KANK1: variants seen among roughly 807,000 people sequenced by gnomAD.
KANK1 encodes the protein KN motif and ankyrin repeat domains 1.
A neutral mutation model predicts 106.2 loss-of-function variants in KANK1; 109 were observed. The observed-to-expected ratio is 1.03, with a 90% CI of 0.88 to 1.20. The LOEUF is 1.20. Ranked by LOEUF, KANK1 falls within the 50% of genes most tolerant of loss-of-function variation. The pLI is 0.00. For synonymous variants in KANK1, 873 were observed against 652.2 expected (o/e 1.34, Z -5.16); for missense variants, 2,399 against 1,710.7 (o/e 1.40, Z -7.10).
intron 1 of KANK1, among the ~76,000 whole-genome samples, chr9:525,676 T>C (rs942257352): frequency 1.3e-5 from 2 of 151,688 alleles, no homozygotes; most frequent in African/African-American, 2.4e-5. Context: ...GAATTTCATA[T>C]TTTTGAGCTG....
At chr9:658,283 C>T (rs951830342) in intron 1 of KANK1, among the ~76,000 whole-genome samples, 2 of 151,916 alleles carry the variant, frequency 1.3e-5, no homozygotes, top group South Asian at 2.1e-4. Context: ...CCGCTTAAAC[C>T]CATCAATGAC....
At chr9:618,314 T>G (rs1832329863) in intron 1 of KANK1, among the ~76,000 whole-genome samples, 1 of 152,030 alleles carries the variant, frequency 6.6e-6, no homozygotes, top group South Asian at 2.1e-4. Context: ...TTCAAGCAAT[T>G]CTCCTGCCTC....
intron 2 of KANK1, among the ~76,000 whole-genome samples, chr9:688,275 C>G (rs1819013187): frequency 6.6e-6 from 1 of 152,204 alleles, no homozygotes; most frequent in Non-Finnish European, 1.5e-5. Flanking sequence ...TTGTAGTTAT[C>G]TGCTTTCTCT....
chr9:494,090 C>T (rs1021824907), intron 3 of KANK1, among the ~76,000 whole-genome samples: 7 of 151,536 alleles, frequency 4.6e-5, no homozygotes, highest in African/African-American at 1.5e-4. Context: ...ACTATGTTAG[C>T]CAGGCTGGTC....
chr9:721,945 C>G (rs886535771), intron 3 of KANK1, among the ~76,000 whole-genome samples: 4 of 152,236 alleles, frequency 2.6e-5, no homozygotes, highest in Admixed American at 6.5e-5. Context: ...CTGTCATTAG[C>G]CTTTCCCATC....
chr9:475,884 A>AG (rs1308103775), intron 3 of KANK1, among the ~76,000 whole-genome samples: 4 of 151,690 alleles, frequency 2.6e-5, no homozygotes, highest in Non-Finnish European at 5.9e-5. Context: ...ACAGAGTCTC[A>AG]CTCTGTTGCC....
chr9:696,340 A>G (rs1042205504), intron 2 of KANK1, among the ~76,000 whole-genome samples: 4 of 152,094 alleles, frequency 2.6e-5, no homozygotes, highest in African/African-American at 9.7e-5. Flanking sequence ...AGAGTCTGGT[A>G]GAGAAACACA....
At chr9:531,745 C>G (rs752568296) in intron 1 of KANK1, among the ~76,000 whole-genome samples, 11 of 152,178 alleles carry the variant, frequency 7.2e-5, no homozygotes, top group Non-Finnish European at 1.5e-4. Flanking sequence ...AACCAGAGAC[C>G]ATTTTATTCT....
At chr9:508,966 C>A (rs909062430) in intron 1 of KANK1, among the ~76,000 whole-genome samples, 1 of 152,154 alleles carries the variant, frequency 6.6e-6, no homozygotes, top group African/African-American at 2.4e-5. Flanking sequence ...TTTAGAGGTA[C>A]AGTCATGCGG....
At chr9:740,730 G>A (rs1014173865) in intron 8 of KANK1, 62 bp from the exon 9 acceptor site, 18 of 1,558,850 alleles carry the variant, frequency 1.2e-5, no homozygotes, top group East Asian at 2.2e-5. Flanking sequence ...CAGTGGCTTC[G>A]TAAGCGGCTG....
chr9:531,629 A>C (rs796886154), intron 1 of KANK1, among the ~76,000 whole-genome samples: 12 of 152,338 alleles, frequency 7.9e-5, no homozygotes, highest in African/African-American at 2.9e-4. Flanking sequence ...GTCTCAGGTG[A>C]TGAAAATACA....
In KANK1 at chr9:643,643, G is replaced by T. The variant is rs896516092; in HGVS notation, c.-83-33247G>T. Among the ~76,000 whole-genome samples the T allele has an allele frequency of 4.2e-5, 6 of 142,034 alleles. No homozygotes were observed. The Admixed American group carries it at 4.4e-4, about 10-fold the overall frequency. The allele number at this position is 142,034 out of a possible 152,430, so 93.2% of individuals were successfully genotyped here. A position where few individuals can be genotyped will look rare whatever the true frequency, so the allele number is the denominator to read the frequency against. ...AATCCTCCTGCATAGGCCTTCCAAA[G>T]TGTGAGGATTACCGGTGTGAGCCAA... On this transcript the variant is annotated intron_variant, in intron 1 of 11. Transcript: ENST00000382297.
intron 3 of KANK1, among the ~76,000 whole-genome samples, chr9:487,320 C>G (rs1055461118): frequency 2.0e-5 from 3 of 152,208 alleles, no homozygotes; most frequent in Non-Finnish European, 4.4e-5. Flanking sequence ...CAATAAATTA[C>G]ATGAGAAATT....
Position 669,729 on chromosome 9 carries a change from TA to T in KANK1, c.-83-7160del, listed in dbSNP as rs1845472411. On this transcript the variant is annotated intron_variant, in intron 1 of 11. Coordinates refer to ENST00000382297, the MANE Select transcript of KANK1 (RefSeq NM_015158.5). ...TAGTTTTATTTGGGTCAAATCTGTTTAGTGTTTTCTGACCTTCCTCTACCTG... is the reference window on the plus strand; with the variant it reads ...TAGTTTTATTTGGGTCAAATCTGTTTGTGTTTTCTGACCTTCCTCTACCTG... Among the ~76,000 whole-genome samples, 7 of 152,276 alleles carry T rather than the reference TA, an allele frequency of 4.6e-5. No individual in the cohort carries two copies. The South Asian group carries it at 1.5e-3, about 32-fold the overall frequency.
At chr9:668,885 G>A (rs983255930) in intron 1 of KANK1, among the ~76,000 whole-genome samples, 3 of 151,876 alleles carry the variant, frequency 2.0e-5, no homozygotes, top group Non-Finnish European at 4.4e-5. Flanking sequence ...TAGATCCTTC[G>A]CACTTGCAGT....
At chr9:510,067 C>G (rs946647880) in intron 1 of KANK1, among the ~76,000 whole-genome samples, 6 of 151,980 alleles carry the variant, frequency 3.9e-5, no homozygotes, top group African/African-American at 1.5e-4. Context: ...CCTCCTTGCC[C>G]TCCTAAAAGT....
At chr9:684,372 G>A in intron 2 of KANK1, 1 of 985,328 alleles carries the variant, frequency 1.0e-6, no homozygotes, top group Non-Finnish European at 1.2e-6. Flanking sequence ...TTTTTGCCTG[G>A]TACCAACTTT....
At position 742,195 on chromosome 9, in the gene KANK1, C is replaced by T; in HGVS notation, c.3697-10C>T. On this transcript the variant is annotated splice_polypyrimidine_tract_variant and intron_variant, in intron 9 of 11. Coordinates refer to ENST00000382297, the MANE Select transcript of KANK1 (RefSeq NM_015158.5). ...CGTACTTCTGAAGTCCTTGTCATCT[C>T]TTCCCATAGGCGGGACAGACGGCCC... The T allele has an allele frequency of 2.5e-6, 4 of 1,613,570 alleles. No individual in the cohort carries two copies. Among genetic ancestry groups the T allele is most frequent in the Non-Finnish European group, 3.4e-6 (4 of 1,179,586 alleles).
intron 1 of KANK1, among the ~76,000 whole-genome samples, chr9:626,327 T>C (rs149764891): frequency 0.031 from 4,711 of 152,092 alleles, 245 homozygotes; most frequent in African/African-American, 0.11. Flanking sequence ...TGGTGGTACA[T>C]GCCTGTAGTC....
Sources: allele counts gnomAD v4.1 joint callset (sites outside exome capture counted in the v4.1 genomes callset), GRCh38; gene constraint gnomAD v4.1.1; transcripts MANE v1.5; gene names NCBI Gene and HGNC (gene_info 2026-07-23, HGNC 2026-07-21).